The following GALNT18 variants were observed in gnomAD, a reference collection of about 807,000 sequenced individuals.
The protein encoded by GALNT18 is polypeptide N-acetylgalactosaminyltransferase 18.
GALNT18 carries 44 observed loss-of-function variants against 69.5 expected under a neutral mutation model. The ratio of observed to expected loss-of-function variants is 0.63; its 90% confidence interval spans 0.50 to 0.81. The LOEUF (loss-of-function observed/expected upper bound fraction) is 0.81, where lower values mean the gene tolerates loss of function less well. Among genes scored for constraint, GALNT18 ranks in the 40% least tolerant of loss-of-function variants. GALNT18 has a pLI of 0.00. For synonymous variants in GALNT18, 364 were observed against 318.2 expected (o/e 1.14, Z -1.53); for missense variants, 715 against 810.0 (o/e 0.88, Z 1.42).
At position 11,461,640 on chromosome 11, in the gene GALNT18, A is replaced by G. The variant is rs888242089; in HGVS notation, c.236-12704T>C. Reference sequence around the variant, plus strand: ...AATATACACTACACTGTTCACACATAAAACAGTGTTCCCAGTGTTTCCACA... The same window carrying G: ...AATATACACTACACTGTTCACACATGAAACAGTGTTCCCAGTGTTTCCACA... On this transcript the variant is annotated intron_variant, in intron 1 of 10. Coordinates refer to ENST00000227756, the MANE Select transcript of GALNT18 (RefSeq NM_198516.3). This position sits in a 1 kb window ranked among gnomAD's most constrained non-coding sequence, Gnocchi z 4.1. Among the ~76,000 whole-genome samples the G allele has an allele frequency of 6.6e-6, 1 of 152,170 alleles. No individual in the cohort carries two copies. Among genetic ancestry groups the G allele is most frequent in the African/African-American group, 2.4e-5 (1 of 41,442 alleles).
chr11:11,405,379 G>T (rs77606284), intron 3 of GALNT18, among the ~76,000 whole-genome samples: 3,104 of 152,272 alleles, frequency 0.02, 98 homozygotes, highest in African/African-American at 0.071. Flanking sequence ...CCACAGAGAC[G>T]AGTTAAAATA....
rs115161899 is a variant in GALNT18 at position 11,314,419 on chromosome 11, C to T, written c.1512+12667G>A. 3.9e-3 allele frequency among the ~76,000 whole-genome samples: 585 copies of T among 151,926 alleles called. 4 individuals are homozygous for T. The highest frequency in any genetic ancestry group is 0.014 in the African/African-American group (567 of 41,414). On this transcript the variant is annotated intron_variant, in intron 9 of 10. Coordinates refer to ENST00000227756, the MANE Select transcript of GALNT18 (RefSeq NM_198516.3). The surrounding 1 kb of genome is among the most constrained non-coding windows in gnomAD (Gnocchi z 5.2). ...TTAGCATGGAAGCTGCAGGAGCAGC[C>T]CAGAGTTCACCATCACTTGGTGCAC...
rs377101565 is a variant in GALNT18, at chr11:11,497,260, T to A, written c.236-48324A>T. ...CTCTACCAAAGCCTTGTGTCCTGTT[T>A]TCCTCATAGCATATACCATTACTTA... On this transcript the variant is annotated intron_variant, in intron 1 of 10. Transcript: ENST00000227756. This position sits in a 1 kb window ranked among gnomAD's most constrained non-coding sequence, Gnocchi z 4.2. 1.3e-5 allele frequency among the ~76,000 whole-genome samples: 2 copies of A among 151,086 alleles called. No individual in the cohort carries two copies. Among genetic ancestry groups the A allele is most frequent in the East Asian group, 3.9e-4 (2 of 5,116 alleles).
chr11:11,518,761 C>T (rs1476557013), intron 1 of GALNT18, among the ~76,000 whole-genome samples: 1 of 152,194 alleles, frequency 6.6e-6, no homozygotes, highest in Non-Finnish European at 1.5e-5. Context: ...ATCAATTATC[C>T]AGGAGCAAAG....
intron 7 of GALNT18, among the ~76,000 whole-genome samples, chr11:11,335,212 C>T (rs891800414): frequency 1.8e-4 from 28 of 152,166 alleles, no homozygotes; most frequent in African/African-American, 5.8e-4. Context: ...TCCATACGAT[C>T]GAGTAAAAGA....
chr11:11,307,976 C>T (rs1849606892), intron 9 of GALNT18, among the ~76,000 whole-genome samples: 3 of 152,216 alleles, frequency 2.0e-5, no homozygotes, highest in Admixed American at 6.5e-5. Flanking sequence ...CCAGGGGTGA[C>T]CGCAGTGGCT....
At chr11:11,316,472 G>C (rs771415574) in intron 9 of GALNT18, among the ~76,000 whole-genome samples, 1 of 152,186 alleles carries the variant, frequency 6.6e-6, no homozygotes, top group Non-Finnish European at 1.5e-5. Flanking sequence ...CCACACAGGG[G>C]AGAGGTGATG....
intron 1 of GALNT18, among the ~76,000 whole-genome samples, chr11:11,565,198 G>T (rs1008882441): frequency 3.9e-5 from 6 of 152,164 alleles, no homozygotes; most frequent in Non-Finnish European, 8.8e-5. Flanking sequence ...GTTCCCAGAG[G>T]TCTATAAGGG....
In GALNT18 at chr11:11,293,144, G is replaced by T; in HGVS notation, c.1562C>A (p.Pro521His). 1 of 1,358,408 alleles carries T rather than the reference G, an allele frequency of 7.4e-7. No individual in the cohort carries two copies. Among genetic ancestry groups the T allele is most frequent in the South Asian group, 2.2e-5 (1 of 44,838 alleles). The allele number at this position is 1,358,408 out of a possible 1,614,324, so 84.1% of individuals were successfully genotyped here. Residue 521 changes from proline (P) to histidine (H), a missense_variant, in exon 10 of 11, where the codon CCC becomes CAC. Pro to His is a moderately conservative substitution (Grantham distance 77, BLOSUM62 -2). Coordinates refer to ENST00000227756, the MANE Select transcript of GALNT18 (RefSeq NM_198516.3). ...TCGGTTGTCATCATCATCCACGGTG[G>T]GGCTCAGAATGCCCACATGGATCTG... ...SQQIHVGILS[P>H]TVDDDDNRCL...
In GALNT18 at chr11:11,603,488, T is replaced by C. The variant is rs1216860521; in HGVS notation, c.235+17871A>G. On this transcript the variant is annotated intron_variant, in intron 1 of 10. Coordinates refer to ENST00000227756, the MANE Select transcript of GALNT18 (RefSeq NM_198516.3). This position sits in a 1 kb window ranked among gnomAD's most constrained non-coding sequence, Gnocchi z 4.5. ...CTTTGAAGTCTGCAAGGAAATCCAG[T>C]TTTGAAATGATACACAGCACCCACC... 6.6e-6 allele frequency among the ~76,000 whole-genome samples: 1 copy of C among 152,146 alleles called. No individual in the cohort carries two copies. Among genetic ancestry groups the C allele is most frequent in the African/African-American group, 2.4e-5 (1 of 41,406 alleles).
At chr11:11,280,645 T>A (rs1260420134) in intron 10 of GALNT18, among the ~76,000 whole-genome samples, 2 of 152,222 alleles carry the variant, frequency 1.3e-5, no homozygotes, top group African/African-American at 4.8e-5. Context: ...CAATTTTGTA[T>A]AATTTTCCAA....
rs112766208 is a variant in GALNT18, at chr11:11,271,347, C to T, written c.1678-57G>A. On this transcript the variant is annotated intron_variant, in intron 10 of 10. Transcript: ENST00000227756. ...GGCATAGAGGCAACATGCAGAAATT[C>T]GGGAGCCTCAGGCCAAGTGGCTGGT... The T allele has an allele frequency of 2.5e-3, 3,883 of 1,575,200 alleles. 79 individuals are homozygous for T. The African/African-American group carries it at 0.044, about 18-fold the overall frequency.
At chr11:11,425,723 C>T (rs759524414) in intron 3 of GALNT18, among the ~76,000 whole-genome samples, 3 of 152,172 alleles carry the variant, frequency 2.0e-5, no homozygotes, top group South Asian at 2.1e-4. Context: ...TCACTGGGCA[C>T]TTGCTCTGTG....
rs1856870943 is a variant in GALNT18, at chr11:11,496,623, G to C, written c.236-47687C>G. Reference sequence around the variant, plus strand: ...AGTAGATGAAGGGCTACCACACAGAGGGTGGGAAGAAGGAAAGACTGCACC... The same window carrying C: ...AGTAGATGAAGGGCTACCACACAGACGGTGGGAAGAAGGAAAGACTGCACC... On this transcript the variant is annotated intron_variant, in intron 1 of 10. Coordinates refer to ENST00000227756, the MANE Select transcript of GALNT18 (RefSeq NM_198516.3). The surrounding 1 kb of genome is among the most constrained non-coding windows in gnomAD (Gnocchi z 4.0). Among the ~76,000 whole-genome samples, 1 of 152,010 alleles carries C rather than the reference G, an allele frequency of 6.6e-6. No individual in the cohort carries two copies. Among genetic ancestry groups the C allele is most frequent in the African/African-American group, 2.4e-5 (1 of 41,406 alleles).
intron 1 of GALNT18, among the ~76,000 whole-genome samples, chr11:11,488,733 T>C (rs558115673): frequency 1.3e-5 from 2 of 152,252 alleles, no homozygotes; most frequent in South Asian, 4.1e-4. Context: ...CAAGCTTCTT[T>C]TCTCCTGGGC....
intron 1 of GALNT18, among the ~76,000 whole-genome samples, chr11:11,549,308 G>A (rs1026331137): frequency 6.6e-6 from 1 of 152,226 alleles, no homozygotes; most frequent in Admixed American, 6.5e-5. Context: ...GAATTTGAGA[G>A]AGAAATACAC....
chr11:11,611,591 T>C (rs575964501), intron 1 of GALNT18, among the ~76,000 whole-genome samples: 1 of 152,282 alleles, frequency 6.6e-6, no homozygotes, highest in South Asian at 2.1e-4. Flanking sequence ...CCCAGGGAAT[T>C]GGGTGCTTCC....
chr11:11,447,384 T>C (rs1291605546), intron 2 of GALNT18, among the ~76,000 whole-genome samples: 1 of 152,202 alleles, frequency 6.6e-6, no homozygotes, highest in African/African-American at 2.4e-5. Flanking sequence ...TCCATAGCAC[T>C]CACCACCACC....
In GALNT18 at chr11:11,415,002, C is replaced by T. The variant is rs1564936738; in HGVS notation, c.595+17619G>A. Among the ~76,000 whole-genome samples, 1 of 152,304 alleles carries T rather than the reference C, an allele frequency of 6.6e-6. No individual in the cohort carries two copies. Among genetic ancestry groups the T allele is most frequent in the East Asian group, 1.9e-4 (1 of 5,176 alleles). ...TCGTTGTTGGCACAATTCGTTTCCT[C>T]GCAGTTGTAGGACTGAGGTCCCTGC... On this transcript the variant is annotated intron_variant, in intron 3 of 10. Transcript: ENST00000227756. The surrounding 1 kb of genome is among the most constrained non-coding windows in gnomAD (Gnocchi z 4.1).
Sources: gnomAD v4.1 joint callset for allele counts (sites outside exome capture counted in the v4.1 genomes callset) on GRCh38, gnomAD v4.1.1 for gene constraint, Gnocchi (gnomAD v3.1) non-coding constraint, MANE v1.5 for transcripts, NCBI Gene and HGNC (gene_info 2026-07-23, HGNC 2026-07-21) for gene names.